The following PARD3B variants were observed in gnomAD, a reference collection of about 807,000 sequenced individuals.
PARD3B encodes the protein par-3 family cell polarity regulator beta, also known as partitioning defective 3 homolog B.
A neutral mutation model predicts 130.2 loss-of-function variants in PARD3B; 103 were observed. The observed-to-expected ratio is 0.79, with a 90% CI of 0.67 to 0.93. The LOEUF is 0.93. PARD3B is among the 40% of genes least tolerant of loss of function. The pLI, the probability that PARD3B is intolerant of heterozygous loss-of-function variation, is 0.00. For synonymous variants in PARD3B, 583 were observed against 553.2 expected (o/e 1.05, Z -0.76); for missense variants, 1,609 against 1,499.2 (o/e 1.07, Z -1.21).
chr2:205,581,257 T>TATAGATATATGTAGATATAG (rs1553552259), intron 22 of PARD3B, among the ~76,000 whole-genome samples: 1 of 120,928 alleles, frequency 8.3e-6, no homozygotes, highest in African/African-American at 3.3e-5. Flanking sequence ...TATAGATATA[T>TATAGATATATGTAGATATAG]ATAGATATAG....
chr2:204,849,504 G>C (rs1218195085), intron 2 of PARD3B, among the ~76,000 whole-genome samples: 2 of 152,174 alleles, frequency 1.3e-5, no homozygotes, highest in Non-Finnish European at 2.9e-5. Context: ...TTAGGGAATA[G>C]TGAAGTGCTG....
chr2:205,123,666 AAAAAAAAT>A (rs2031030236), intron 8 of PARD3B, among the ~76,000 whole-genome samples: 2 of 103,020 alleles, frequency 1.9e-5, no homozygotes, highest in South Asian at 7.6e-4. Context: ...CAAAAAAAAA[AAAAAAAAT>A]AAGTGGTGGG....
chr2:204,996,516 G>T (rs1694194495), intron 3 of PARD3B, among the ~76,000 whole-genome samples: 1 of 151,950 alleles, frequency 6.6e-6, no homozygotes, highest in African/African-American at 2.4e-5. Flanking sequence ...AGTCTGCAGA[G>T]GTTACTGCTG....
At chr2:204,650,817 G>A (rs934243128) in intron 1 of PARD3B, among the ~76,000 whole-genome samples, 1 of 151,972 alleles carries the variant, frequency 6.6e-6, no homozygotes, top group African/African-American at 2.4e-5. Flanking sequence ...AGCATGCCTG[G>A]GAGGCCTCAG....
intron 1 of PARD3B, among the ~76,000 whole-genome samples, chr2:204,670,478 T>G (rs2125205328): frequency 6.6e-6 from 1 of 152,188 alleles, no homozygotes; most frequent in African/African-American, 2.4e-5. Flanking sequence ...ACCCCACAGG[T>G]TTTTTCTATT....
At chr2:205,034,711 C>A (rs1697678179) in intron 3 of PARD3B, among the ~76,000 whole-genome samples, 1 of 151,932 alleles carries the variant, frequency 6.6e-6, no homozygotes, top group East Asian at 1.9e-4. Flanking sequence ...AATTATTTAG[C>A]ATGAAAAATA....
At chr2:205,195,643 G>C (rs1012353497) in intron 15 of PARD3B, among the ~76,000 whole-genome samples, 3 of 152,166 alleles carry the variant, frequency 2.0e-5, no homozygotes, top group Admixed American at 1.3e-4. Flanking sequence ...CAATGTAAGA[G>C]ATTAATTTAT....
intron 18 of PARD3B, among the ~76,000 whole-genome samples, chr2:205,393,097 G>A (rs1229086690): frequency 6.6e-6 from 1 of 152,152 alleles, no homozygotes; most frequent in Non-Finnish European, 1.5e-5. Flanking sequence ...AGCAAAAGCT[G>A]CGGTTCACAA....
intron 2 of PARD3B, among the ~76,000 whole-genome samples, chr2:204,903,705 T>C (rs542430105): frequency 6.6e-6 from 1 of 152,350 alleles, no homozygotes; most frequent in East Asian, 1.9e-4. Flanking sequence ...TCTCTTCCTC[T>C]CTACCTTTTC....
chr2:205,318,430 G>A (rs2042633833), intron 18 of PARD3B, among the ~76,000 whole-genome samples: 1 of 152,074 alleles, frequency 6.6e-6, no homozygotes, highest in Non-Finnish European at 1.5e-5. Context: ...ATACTATGAG[G>A]GCATTAAATG....
At position 205,146,825 on chromosome 2, in the gene PARD3B, TG is replaced by T. The variant is rs1205138140; in HGVS notation, c.1435-11895del. On this transcript the variant is annotated intron_variant, in intron 10 of 22. Coordinates refer to ENST00000406610, the MANE Select transcript of PARD3B (RefSeq NM_001302769.2). This position sits in a 1 kb window ranked among gnomAD's most constrained non-coding sequence, Gnocchi z 4.3. ...TCAGTGCATCCTTCGCCTCCCGGGTTGGAGCGATTCTCCTGCCTCAGCTTCC... is the reference window on the plus strand; with the variant it reads ...TCAGTGCATCCTTCGCCTCCCGGGTTGAGCGATTCTCCTGCCTCAGCTTCC... Among the ~76,000 whole-genome samples the T allele has an allele frequency of 1.3e-5, 2 of 151,978 alleles. No individual in the cohort carries two copies. Among genetic ancestry groups the T allele is most frequent in the Admixed American group, 6.6e-5 (1 of 15,256 alleles).
chr2:205,611,991 T>G (rs1322543740), intron 22 of PARD3B, among the ~76,000 whole-genome samples: 1 of 152,160 alleles, frequency 6.6e-6, no homozygotes, highest in Non-Finnish European at 1.5e-5. Context: ...TGAGCATTGC[T>G]GGGGCCCCAG....
chr2:204,681,181 C>G (rs1272277719), intron 1 of PARD3B, among the ~76,000 whole-genome samples: 1 of 152,078 alleles, frequency 6.6e-6, no homozygotes, highest in Non-Finnish European at 1.5e-5. Flanking sequence ...CCCACTTTAT[C>G]TTTATTAATA....
chr2:204,820,433 T>C (rs937919472), intron 2 of PARD3B, among the ~76,000 whole-genome samples: 1 of 151,980 alleles, frequency 6.6e-6, no homozygotes, highest in Non-Finnish European at 1.5e-5. Context: ...AGATGTCACC[T>C]AGGACTCTGA....
intron 19 of PARD3B, among the ~76,000 whole-genome samples, chr2:205,419,861 C>T (rs567991492): frequency 3.3e-5 from 5 of 152,264 alleles, no homozygotes; most frequent in African/African-American, 1.2e-4. Flanking sequence ...TCAAGGGTTA[C>T]AGGATGAAAA....
At chr2:205,342,964 T>G (rs757372849) in intron 18 of PARD3B, among the ~76,000 whole-genome samples, 1 of 152,210 alleles carries the variant, frequency 6.6e-6, no homozygotes, top group Non-Finnish European at 1.5e-5. Flanking sequence ...CTCAAAAGCT[T>G]TTACCAATTT....
rs2105811188 is a variant in PARD3B, at chr2:205,341,837, A to C, written c.2630+40136A>C. Among the ~76,000 whole-genome samples, 1 of 152,190 alleles carries C rather than the reference A, an allele frequency of 6.6e-6. No individual in the cohort carries two copies. Among genetic ancestry groups the C allele is most frequent in the South Asian group, 2.1e-4 (1 of 4,814 alleles). On this transcript the variant is annotated intron_variant, in intron 18 of 22. Transcript: ENST00000406610. The surrounding 1 kb of genome is among the most constrained non-coding windows in gnomAD (Gnocchi z 4.3). The stretch of plus-strand genomic sequence containing the variant: ...GCATATTAAAATATCACTCTGTATT[A>C]CTCCTAAATATGTACAATTATTACA...
rs577280832 is a variant in PARD3B, at chr2:204,958,205, G to A, written c.223-6947G>A. Among the ~76,000 whole-genome samples the A allele has an allele frequency of 2.0e-5, 3 of 152,200 alleles. No homozygotes were observed. The South Asian group carries it at 6.2e-4, about 32-fold the overall frequency. On this transcript the variant is annotated intron_variant, in intron 2 of 22. Transcript: ENST00000406610. ...ACATAGGCTAAAGATAATAGCATCA[G>A]ATTATAAAAATTCAGGCTATAAAAA...
chr2:204,783,822 T>C (rs1559141621), intron 2 of PARD3B, among the ~76,000 whole-genome samples: 2 of 152,098 alleles, frequency 1.3e-5, no homozygotes, highest in South Asian at 2.1e-4. Flanking sequence ...GCCTCTAAAA[T>C]TGTGGAGACA....
Sources: allele counts gnomAD v4.1 joint callset (sites outside exome capture counted in the v4.1 genomes callset), GRCh38; gene constraint gnomAD v4.1.1; non-coding constraint Gnocchi (gnomAD v3.1); transcripts MANE v1.5; gene names NCBI Gene and HGNC (gene_info 2026-07-23, HGNC 2026-07-21).